GAB3: variants seen among roughly 807,000 people sequenced by gnomAD.
The protein encoded by GAB3 is GRB2-associated-binding protein 3.
In GAB3, 12 loss-of-function variants were observed where a neutral mutation model predicts 40.4. The ratio of observed to expected loss-of-function variants is 0.30; its 90% CI spans 0.19 to 0.48. The LOEUF (loss-of-function observed/expected upper bound fraction) is 0.48, where lower values mean the gene tolerates loss of function less well. Among genes scored for constraint, GAB3 ranks in the 20% least tolerant of loss-of-function variants. The pLI, the probability that GAB3 is intolerant of heterozygous loss-of-function variation, is 0.99. For synonymous variants in GAB3, 154 were observed against 176.7 expected (o/e 0.87, Z 1.02); for missense variants, 381 against 461.9 (o/e 0.82, Z 1.61).
chrX:154,724,518 T>C (rs1422175965), intron 1 of GAB3, among the ~76,000 whole-genome samples: 2 of 111,368 alleles, frequency 1.8e-5, no homozygotes, highest in Admixed American at 1.9e-4. Flanking sequence ...TTTCCAGCTC[T>C]GACCATCGAA....
At chrX:154,706,415 C>CA (rs35975601) in intron 4 of GAB3, among the ~76,000 whole-genome samples, 12,550 of 93,459 alleles carry the variant, frequency 0.13, 1,430 homozygotes, top group African/African-American at 0.36. Flanking sequence ...GACTCCATCT[C>CA]AAAAAAAAAA....
At chrX:154,678,741 G>A (rs1569557094) in intron 9 of GAB3, among the ~76,000 whole-genome samples, 1 of 111,751 alleles carries the variant, frequency 8.9e-6, no homozygotes, top group East Asian at 2.8e-4. Context: ...GTTTTATAAG[G>A]GGCTTTCCCC....
At chrX:154,728,361 C>T (rs1308427679) in intron 1 of GAB3, among the ~76,000 whole-genome samples, 1 of 112,542 alleles carries the variant, frequency 8.9e-6, no homozygotes, top group Non-Finnish European at 1.9e-5. Flanking sequence ...GACCCATGGA[C>T]GTGCTTCATA....
chrX:154,713,134 A>T, intron 3 of GAB3, 73 bp downstream of exon 3: 1 of 852,164 alleles, frequency 1.2e-6, no homozygotes, highest in Non-Finnish European at 1.7e-6. Context: ...TACGGACTGC[A>T]AGAGGAGGCA....
chrX:154,679,078 G>A (rs1284598969), intron 9 of GAB3: 1 of 315,195 alleles, frequency 3.2e-6, no homozygotes, highest in Non-Finnish European at 6.2e-6. Context: ...GATAACTTTA[G>A]CCCAGGAGAT....
At chrX:154,708,606 A>G (rs2070854575) in intron 4 of GAB3, among the ~76,000 whole-genome samples, 1 of 112,359 alleles carries the variant, frequency 8.9e-6, no homozygotes, top group African/African-American at 3.2e-5. Context: ...AGGTATATGA[A>G]AAAATGCTCG....
intron 4 of GAB3, among the ~76,000 whole-genome samples, chrX:154,704,870 A>C (rs112439069): frequency 0.2 from 22,463 of 110,998 alleles, 1,820 homozygotes; most frequent in Admixed American, 0.29. Context: ...CGTAAAACCT[A>C]CCAAGATTGA....
At position 154,712,249 on chromosome X, in the gene GAB3, T is replaced by C. The variant is rs2070960512; in HGVS notation, c.1049A>G (p.Asp350Gly). The C allele has an allele frequency of 8.3e-7, 1 of 1,197,720 alleles. No individual in the cohort carries two copies. Among genetic ancestry groups the C allele is most frequent in the African/African-American group, 1.7e-5 (1 of 57,373 alleles). Residue 350 changes from aspartate (D) to glycine (G), a missense_variant, in exon 4 of 10, where the codon GAC becomes GGC. This residue lies in a region of GAB3 where 364 missense variants were observed against 421.0 expected (regional missense o/e 0.86). Transcript: ENST00000424127. ...VPRRISLSGL[D>G]NMRTWKADVE... ...CTTACCTTTCCAGGTTCTCATGTTG[T>C]CTAAACCAGAGAGGGAGATTCTTCT... is the stretch of plus-strand genomic sequence containing the variant.
chrX:154,700,211 A>G (rs1472037459), intron 4 of GAB3, 152 bp from the exon 5 acceptor site: 1 of 444,291 alleles, frequency 2.3e-6, no homozygotes. Flanking sequence ...AAATCAGACC[A>G]GATTTTGAAG....
chrX:154,712,746 AC>A, intron 3 of GAB3, 45 bp from the exon 4 acceptor site: 1 of 890,078 alleles, frequency 1.1e-6, no homozygotes, highest in Non-Finnish European at 1.5e-6. Context: ...GCAGCCATCC[AC>A]CCACCACAAA....
At chrX:154,751,454 G>A, upstream of GAB3, 3 of 709,073 alleles carry the variant, frequency 4.2e-6, no homozygotes, top group Non-Finnish European at 5.0e-6. Context: ...GCTGGTCCCT[G>A]GGTCTCAGGG....
chrX:154,680,445 C>T (rs1337782585), intron 8 of GAB3, among the ~76,000 whole-genome samples, 197 bp from the exon 9 acceptor site: 1 of 112,045 alleles, frequency 8.9e-6, no homozygotes, highest in East Asian at 2.8e-4. Flanking sequence ...TTGGCCTTCG[C>T]AATGAAACCA....
At chrX:154,688,452 G>A (rs1265448875) in intron 8 of GAB3, among the ~76,000 whole-genome samples, 1 of 109,929 alleles carries the variant, frequency 9.1e-6, no homozygotes, top group African/African-American at 3.3e-5. Flanking sequence ...GCTAATTTTT[G>A]TATTTTTAGT....
Position 154,680,330 on chromosome X carries a change from C to G in GAB3, c.1531-82G>C, listed in dbSNP as rs782086039. 3.5e-5 allele frequency: 21 copies of G among 603,436 alleles called. No homozygotes were observed. In the South Asian group the frequency reaches 4.9e-4, roughly 14 times the overall value. 49.7% of individuals were successfully genotyped at this position (603,436 alleles called of 1,213,427 possible). On this transcript the variant is annotated intron_variant, in intron 8 of 9. Transcript: ENST00000424127. ...GAAGGAGGGCAAGTTGTGGCTTCAC[C>G]CAAGCAGCTGCCATCAGATCGTAAC...
intron 4 of GAB3, among the ~76,000 whole-genome samples, chrX:154,704,259 AGGGTGGGGGGC>A (rs2070776272): frequency 1.0e-5 from 1 of 98,063 alleles, no homozygotes; most frequent in Non-Finnish European, 2.0e-5. Context: ...AAAGGTAGCC[AGGGTGGGGGGC>A]TGTGGGGGAA....
At chrX:154,719,641 G>A (rs949251717) in intron 1 of GAB3, among the ~76,000 whole-genome samples, 2 of 112,257 alleles carry the variant, frequency 1.8e-5, no homozygotes, top group Admixed American at 9.4e-5. Flanking sequence ...ATGCAAAATC[G>A]CCAGTGTGTC....
intron 8 of GAB3, among the ~76,000 whole-genome samples, chrX:154,692,223 C>A (rs782527398): frequency 9.0e-6 from 1 of 111,647 alleles, no homozygotes; most frequent in African/African-American, 3.3e-5. Context: ...AATGAAAAGA[C>A]AACCCACAGA....
intron 8 of GAB3, among the ~76,000 whole-genome samples, chrX:154,687,839 G>C (rs181167054): frequency 2.1e-4 from 23 of 110,511 alleles, no homozygotes; most frequent in African/African-American, 6.9e-4. Flanking sequence ...CATAGGCAAA[G>C]AGACAATGGA....
chrX:154,685,258 C>T (rs1421424459), intron 8 of GAB3, among the ~76,000 whole-genome samples: 3 of 111,283 alleles, frequency 2.7e-5, no homozygotes, highest in African/African-American at 9.8e-5. Flanking sequence ...CCAAAAACTG[C>T]CTACTTCCAT....
Sources: gnomAD v4.1 joint callset for allele counts (sites outside exome capture counted in the v4.1 genomes callset) on GRCh38, gnomAD v4.1.1 for gene constraint, gnomAD v4.1.1 regional missense constraint, MANE v1.5 for transcripts, NCBI Gene and HGNC (gene_info 2026-07-23, HGNC 2026-07-21) for gene names.